Variants in FHIT observed in about 807,000 individuals in gnomAD.
FHIT encodes the protein bis(5'-adenosyl)-triphosphatase.
A neutral mutation model predicts 17.9 loss-of-function variants in FHIT; 19 were observed. The ratio of observed to expected loss-of-function variants is 1.06; its 90% CI spans 0.74 to 1.56. The LOEUF (loss-of-function observed/expected upper bound fraction) is 1.56, where lower values mean the gene tolerates loss of function less well. Among genes scored for constraint, FHIT ranks in the 40% most tolerant of loss-of-function variants. FHIT has a pLI of 0.00. For synonymous variants in FHIT, 81 were observed against 69.7 expected (o/e 1.16, Z -0.81); for missense variants, 248 against 189.2 (o/e 1.31, Z -1.82).
At chr3:60,364,390 TC>T (rs1364125844) in intron 5 of FHIT, among the ~76,000 whole-genome samples, 2 of 152,254 alleles carry the variant, frequency 1.3e-5, no homozygotes, top group Non-Finnish European at 2.9e-5. Flanking sequence ...ATGGGCTTTT[TC>T]TATCATACTC....
Position 60,341,975 on chromosome 3 carries a change from G to C in FHIT, c.103+194885C>G, listed in dbSNP as rs544556500. 3.3e-5 allele frequency among the ~76,000 whole-genome samples: 5 copies of C among 152,126 alleles called. No homozygotes were observed. In the South Asian group the frequency reaches 8.3e-4, roughly 25 times the overall value. ...GACACATTGAAGGGTAAGGGAATTG[G>C]AATTTATTGGGTGAAAAAGAAAAAA... On this transcript the variant is annotated intron_variant, in intron 5 of 9. Transcript: ENST00000492590.
intron 8 of FHIT, among the ~76,000 whole-genome samples, chr3:59,763,899 G>A (rs1049794545): frequency 2.0e-5 from 3 of 152,202 alleles, no homozygotes; most frequent in African/African-American, 4.8e-5. Context: ...AGCACTGGAG[G>A]CGAAAGGGCT....
chr3:59,801,629 C>T (rs72886694), intron 8 of FHIT, among the ~76,000 whole-genome samples: 7,590 of 152,102 alleles, frequency 0.05, 361 homozygotes, highest in African/African-American at 0.12. Flanking sequence ...GCAGGGTGAC[C>T]CAATGCTCTG....
At chr3:59,785,488 T>A (rs1396039526) in intron 8 of FHIT, among the ~76,000 whole-genome samples, 1 of 152,046 alleles carries the variant, frequency 6.6e-6, no homozygotes, top group African/African-American at 2.4e-5. Flanking sequence ...TTTTGTATTT[T>A]TTGGTAGACG....
intron 5 of FHIT, among the ~76,000 whole-genome samples, chr3:60,532,117 C>T (rs1157207722): frequency 6.6e-6 from 1 of 152,126 alleles, no homozygotes; most frequent in Non-Finnish European, 1.5e-5. Context: ...ATAACTGATT[C>T]AATAAACTGT....
intron 5 of FHIT, among the ~76,000 whole-genome samples, chr3:60,513,100 A>T (rs2035011269): frequency 6.6e-6 from 1 of 152,220 alleles, no homozygotes; most frequent in Non-Finnish European, 1.5e-5. Flanking sequence ...ATGCAAGCTG[A>T]ATTATTTAGG....
At chr3:60,935,525 A>C (rs782369284) in intron 3 of FHIT, among the ~76,000 whole-genome samples, 1 of 152,232 alleles carries the variant, frequency 6.6e-6, no homozygotes, top group Non-Finnish European at 1.5e-5. Context: ...GCTGCAGTTC[A>C]TTATTTGGAA....
chr3:60,202,564 G>A (rs141265598), intron 5 of FHIT, among the ~76,000 whole-genome samples: 41 of 152,150 alleles, frequency 2.7e-4, no homozygotes, highest in Admixed American at 2.3e-3. Flanking sequence ...GATTGTGGAT[G>A]TGTAACTAAT....
chr3:60,716,536 G>A (rs1276163157), intron 4 of FHIT, among the ~76,000 whole-genome samples: 1 of 152,058 alleles, frequency 6.6e-6, no homozygotes, highest in East Asian at 1.9e-4. Context: ...TAACAGGCAT[G>A]AAGTTCTTAC....
intron 3 of FHIT, among the ~76,000 whole-genome samples, chr3:60,921,978 A>C (rs556042305): frequency 3.3e-5 from 5 of 152,340 alleles, no homozygotes; most frequent in South Asian, 2.1e-4. Context: ...CTTGAAAGCT[A>C]AACAGAGAGA....
chr3:61,190,787 T>C (rs2038689195), intron 2 of FHIT, among the ~76,000 whole-genome samples: 1 of 152,056 alleles, frequency 6.6e-6, no homozygotes, highest in Non-Finnish European at 1.5e-5. Context: ...TGTAGGGACA[T>C]GGATGAAGCT....
intron 8 of FHIT, among the ~76,000 whole-genome samples, chr3:59,774,214 G>C (rs1702202124): frequency 6.6e-6 from 1 of 152,142 alleles, no homozygotes. Context: ...GCTTTTATTG[G>C]AACACAGTCA....
intron 5 of FHIT, among the ~76,000 whole-genome samples, chr3:60,191,413 C>G (rs1702398178): frequency 6.6e-6 from 1 of 152,182 alleles, no homozygotes; most frequent in Non-Finnish European, 1.5e-5. Context: ...AAAAATCTCT[C>G]TAACTAGCAA....
chr3:60,644,710 A>T (rs2107796817), intron 4 of FHIT, among the ~76,000 whole-genome samples: 1 of 152,286 alleles, frequency 6.6e-6, no homozygotes, highest in East Asian at 1.9e-4. Context: ...GTTCTAAAAC[A>T]ACTTCAGGTT....
chr3:60,933,459 A>G (rs1431196900), intron 3 of FHIT, among the ~76,000 whole-genome samples: 7 of 152,330 alleles, frequency 4.6e-5, no homozygotes, highest in South Asian at 2.1e-4. Context: ...TCCGGTGTGT[A>G]GTTGACACTC....
chr3:60,916,796 C>A (rs1246379671), intron 3 of FHIT, among the ~76,000 whole-genome samples: 1 of 152,174 alleles, frequency 6.6e-6, no homozygotes, highest in Non-Finnish European at 1.5e-5. Context: ...TAGTCATTTT[C>A]TTCCCATGGT....
intron 5 of FHIT, among the ~76,000 whole-genome samples, chr3:60,344,828 T>C (rs1710695367): frequency 6.6e-6 from 1 of 152,140 alleles, no homozygotes; most frequent in Non-Finnish European, 1.5e-5. Flanking sequence ...CTTCAAAGAA[T>C]TTTATTAGCC....
At chr3:60,705,079 C>T (rs2041340390) in intron 4 of FHIT, among the ~76,000 whole-genome samples, 1 of 151,084 alleles carries the variant, frequency 6.6e-6, no homozygotes, top group African/African-American at 2.4e-5. Context: ...TAAGGTACTA[C>T]ACACCTGGAA....
At chr3:59,973,016 T>C (rs892762813) in intron 7 of FHIT, among the ~76,000 whole-genome samples, 1 of 152,078 alleles carries the variant, frequency 6.6e-6, no homozygotes, top group African/African-American at 2.4e-5. Context: ...ATACCAACTC[T>C]TCCATGAACC....
Sources: gnomAD v4.1 joint callset for allele counts (sites outside exome capture counted in the v4.1 genomes callset) on GRCh38, gnomAD v4.1.1 for gene constraint, MANE v1.5 for transcripts, NCBI Gene and HGNC (gene_info 2026-07-23, HGNC 2026-07-21) for gene names.